Variants in NRG3 observed in about 807,000 individuals in gnomAD.
The protein encoded by NRG3 is pro-neuregulin-3, membrane-bound isoform.
Under a neutral mutation model 66.9 loss-of-function variants are expected in NRG3, and 31 were observed. The ratio of observed to expected loss-of-function variants is 0.46; its 90% CI spans 0.35 to 0.63. NRG3 has a LOEUF of 0.63. Ranked by LOEUF, NRG3 falls within the 20% of genes least tolerant of loss-of-function variation. The pLI, the probability that NRG3 is intolerant of heterozygous loss-of-function variation, is 0.00. For synonymous variants in NRG3, 393 were observed against 359.4 expected (o/e 1.09, Z -1.06); for missense variants, 910 against 878.9 (o/e 1.04, Z -0.45).
chr10:82,637,670 A>T (rs1453559388), intron 2 of NRG3, among the ~76,000 whole-genome samples: 1 of 152,230 alleles, frequency 6.6e-6, no homozygotes, highest in Non-Finnish European at 1.5e-5. Context: ...CAAAGTCATG[A>T]AAGTCAAGGA....
At chr10:81,981,712 G>A (rs1453009164) in intron 1 of NRG3, among the ~76,000 whole-genome samples, 1 of 151,994 alleles carries the variant, frequency 6.6e-6, no homozygotes, top group Non-Finnish European at 1.5e-5. Flanking sequence ...TAGCTTCTGG[G>A]GTCATTCTTT....
chr10:82,895,885 C>A lies in NRG3; in HGVS notation c.1054+30448C>A, dbSNP rs559719579. Among the ~76,000 whole-genome samples, 7 of 152,248 alleles carry A rather than the reference C, an allele frequency of 4.6e-5. No individual in the cohort carries two copies. In the South Asian group the frequency reaches 1.5e-3, roughly 32 times the overall value. On this transcript the variant is annotated intron_variant, in intron 4 of 8. Transcript: ENST00000372141. ...TGCTGTTTACTGGCTGGCCTAATGTCATTTCCTTGTTGGTAAATTATAGAT... is the reference window on the plus strand; with the variant it reads ...TGCTGTTTACTGGCTGGCCTAATGTAATTTCCTTGTTGGTAAATTATAGAT...
chr10:82,780,812 G>C (rs570500622), intron 3 of NRG3, among the ~76,000 whole-genome samples: 1 of 152,126 alleles, frequency 6.6e-6, no homozygotes, highest in African/African-American at 2.4e-5. Flanking sequence ...ATCTCCATTA[G>C]CTAGGCTCTG....
intron 1 of NRG3, among the ~76,000 whole-genome samples, chr10:82,150,344 A>G (rs2070613517): frequency 6.6e-6 from 1 of 151,308 alleles, no homozygotes. Context: ...GACAGCTTCT[A>G]CCCAGCCCAC....
chr10:82,059,940 G>A (rs951253851), intron 1 of NRG3, among the ~76,000 whole-genome samples: 1 of 152,122 alleles, frequency 6.6e-6, no homozygotes, highest in Non-Finnish European at 1.5e-5. Flanking sequence ...CATGGGTACT[G>A]GACACAGGCA....
chr10:82,880,816 A>G (rs1842237526), intron 4 of NRG3, among the ~76,000 whole-genome samples: 1 of 152,242 alleles, frequency 6.6e-6, no homozygotes, highest in Non-Finnish European at 1.5e-5. Flanking sequence ...GTGTATCTAT[A>G]AACATCGTAT....
intron 1 of NRG3, among the ~76,000 whole-genome samples, chr10:81,984,275 A>G (rs1276731744): frequency 1.3e-5 from 2 of 152,238 alleles, no homozygotes; most frequent in East Asian, 3.9e-4. Flanking sequence ...GGAAACTAAT[A>G]GAATCACATT....
rs527288556 is a variant in NRG3 at position 82,038,996 on chromosome 10, G to A, written c.823+162833G>A. The stretch of plus-strand genomic sequence containing the variant: ...AGAGGAGTGTGCTAAGGAAGTCTAT[G>A]GAAACAATGCACAGTTGTATAATTT... On this transcript the variant is annotated intron_variant, in intron 1 of 8. Coordinates refer to ENST00000372141, the MANE Select transcript of NRG3 (RefSeq NM_001010848.4). Among the ~76,000 whole-genome samples, 3 of 152,160 alleles carry A rather than the reference G, an allele frequency of 2.0e-5. No individual in the cohort carries two copies. In the South Asian group the frequency reaches 6.2e-4, roughly 32 times the overall value.
At chr10:81,948,566 C>T (rs1233239841) in intron 1 of NRG3, among the ~76,000 whole-genome samples, 2 of 152,202 alleles carry the variant, frequency 1.3e-5, no homozygotes, top group Non-Finnish European at 2.9e-5. Flanking sequence ...TTTTGCTAGA[C>T]TGAGGCAAGT....
chr10:81,903,243 C>T (rs1439269667), intron 1 of NRG3, among the ~76,000 whole-genome samples: 2 of 152,174 alleles, frequency 1.3e-5, no homozygotes, highest in Middle Eastern at 3.4e-3. Flanking sequence ...AGGCCGGGTG[C>T]TTCAGGCTCA....
intron 2 of NRG3, among the ~76,000 whole-genome samples, chr10:82,539,377 G>A (rs1172785717): frequency 1.3e-5 from 2 of 152,144 alleles, no homozygotes; most frequent in African/African-American, 2.4e-5. Context: ...TCAAAGGATT[G>A]CTTTGTGATT....
At chr10:82,762,245 C>G (rs2059358285) in intron 3 of NRG3, among the ~76,000 whole-genome samples, 1 of 151,976 alleles carries the variant, frequency 6.6e-6, no homozygotes, top group Admixed American at 6.6e-5. Context: ...ACCTTAGACT[C>G]CCAAAGTGCT....
At chr10:82,446,329 T>G (rs185312390) in intron 2 of NRG3, among the ~76,000 whole-genome samples, 79 of 152,306 alleles carry the variant, frequency 5.2e-4, no homozygotes, top group Non-Finnish European at 7.3e-5. Context: ...TAAAGATACA[T>G]GCACAGATAT....
At chr10:82,434,129 A>G (rs1175994878) in intron 2 of NRG3, among the ~76,000 whole-genome samples, 2 of 152,142 alleles carry the variant, frequency 1.3e-5, no homozygotes, top group East Asian at 3.9e-4. Context: ...TTCCTTGAGC[A>G]GTGCTTTGTA....
chr10:82,078,117 TA>T (rs957071381), intron 1 of NRG3, among the ~76,000 whole-genome samples: 25 of 151,968 alleles, frequency 1.6e-4, no homozygotes, highest in African/African-American at 6.0e-4. Flanking sequence ...AGTTGAAAAT[TA>T]AAAAAAAATT....
At chr10:82,076,846 A>T (rs1329240526) in intron 1 of NRG3, among the ~76,000 whole-genome samples, 1 of 152,206 alleles carries the variant, frequency 6.6e-6, no homozygotes, top group Non-Finnish European at 1.5e-5. Flanking sequence ...TTAATAAATT[A>T]TCCAGTCTCA....
At chr10:82,669,270 T>C (rs1031858805) in intron 2 of NRG3, among the ~76,000 whole-genome samples, 1 of 148,970 alleles carries the variant, frequency 6.7e-6, no homozygotes, top group African/African-American at 2.4e-5. Context: ...ATAATAATAA[T>C]AATAATAATA....
At chr10:82,102,121 TATATGTGTATTC>T (rs1238744680) in intron 1 of NRG3, among the ~76,000 whole-genome samples, 1,086 of 16,040 alleles carry the variant, frequency 0.068, 52 homozygotes, top group South Asian at 0.18. Context: ...TTCATATATA[TATATGTGTATTC>T]ATATATATAT....
chr10:82,855,191 A>G (rs928482430), intron 3 of NRG3, among the ~76,000 whole-genome samples: 1 of 152,136 alleles, frequency 6.6e-6, no homozygotes, highest in Non-Finnish European at 1.5e-5. Context: ...TGATATTGCA[A>G]TTTAAATTCA....
Sources: allele counts gnomAD v4.1 joint callset (sites outside exome capture counted in the v4.1 genomes callset), GRCh38; gene constraint gnomAD v4.1.1; transcripts MANE v1.5; gene names NCBI Gene and HGNC (gene_info 2026-07-23, HGNC 2026-07-21).